The following UNC45A variants were observed in gnomAD, a reference collection of about 807,000 sequenced individuals.
UNC45A encodes the protein protein unc-45 homolog A.
Under a neutral mutation model 103.2 loss-of-function variants are expected in UNC45A, and 78 were observed. The observed-to-expected ratio is 0.76, with a 90% CI of 0.63 to 0.91. The LOEUF (loss-of-function observed/expected upper bound fraction) is 0.91, where lower values mean the gene tolerates loss of function less well. Among genes scored for constraint, UNC45A ranks in the 40% least tolerant of loss-of-function variants. The pLI is 0.00. For missense variants in UNC45A, 1,193 were observed against 1,224.8 expected (o/e 0.97, Z 0.39); for synonymous variants, 495 against 504.6 (o/e 0.98, Z 0.25).
Position 90,946,622 on chromosome 15 carries a change from T to G in UNC45A, c.1208T>G (p.Phe403Cys). The change falls in exon 10 of 20, where the codon TTT (phenylalanine) becomes TGT (cysteine). Residue 403 changes from phenylalanine to cysteine, a missense_variant. Coordinates refer to ENST00000418476, the MANE Select transcript of UNC45A (RefSeq NM_018671.5). Reference sequence around the variant, plus strand: ...CACCCTGTGCCCCTCAGGAGCTGGTTTGAGGGCCAAGGGCTGGCCGGGAAG... The same window carrying G: ...CACCCTGTGCCCCTCAGGAGCTGGTGTGAGGGCCAAGGGCTGGCCGGGAAG... ...RLCENYIKSW[F>C]EGQGLAGKLR... The G allele has an allele frequency of 6.2e-7, 1 of 1,603,798 alleles. No individual in the cohort carries two copies. The highest frequency in any genetic ancestry group is 2.2e-5 in the East Asian group (1 of 44,678).
At chr15:90,931,408 G>T, upstream of UNC45A, 4 of 1,589,160 alleles carry the variant, frequency 2.5e-6, no homozygotes, top group South Asian at 4.5e-5. Context: ...TGACCATCCT[G>T]CATAAGAGTC....
intron 17 of UNC45A, among the ~76,000 whole-genome samples, chr15:90,951,200 C>A (rs6496739): frequency 0.18 from 27,620 of 152,064 alleles, 3,608 homozygotes; most frequent in East Asian, 0.43. Context: ...AGAGATGGCG[C>A]TTTACCATGT....
chr15:90,947,006 G>A, intron 10 of UNC45A, 92 bp downstream of exon 10: 4 of 1,461,240 alleles, frequency 2.7e-6, no homozygotes, highest in Non-Finnish European at 3.7e-6. Flanking sequence ...GCACACTCCA[G>A]ATGAAAATAA....
In UNC45A at chr15:90,939,987, A is replaced by C. The variant is rs547431584; in HGVS notation, c.519+164A>C. ...GGGTCTGGGGCTTTAGCGTGAACCA[A>C]GGAAAGAGAACCAGTGTTCACAGAG... On this transcript the variant is annotated intron_variant, in intron 5 of 19. Coordinates refer to ENST00000418476, the MANE Select transcript of UNC45A (RefSeq NM_018671.5). Among the ~76,000 whole-genome samples the C allele has an allele frequency of 3.2e-4, 49 of 152,218 alleles. 1 individual carries two copies. Among genetic ancestry groups the C allele is most frequent in the Non-Finnish European group, 6.3e-4 (43 of 68,034 alleles).
intron 4 of UNC45A, among the ~76,000 whole-genome samples, chr15:90,939,170 G>A (rs2036163996): frequency 6.6e-6 from 1 of 151,938 alleles, no homozygotes; most frequent in Admixed American, 6.6e-5. Context: ...TAGTAGAGAT[G>A]GGGTTTCACC....
chr15:90,932,513 C>G (rs777219665), upstream of UNC45A: 3 of 1,299,422 alleles, frequency 2.3e-6, no homozygotes, highest in African/African-American at 1.5e-5. Flanking sequence ...TCGGCAGCCT[C>G]CAGCAGCTGC....
rs376093795 is a variant in UNC45A, at chr15:90,946,853, C to G, written c.1439C>G (p.Ser480Trp). ...TCATTCATCACTGCCAATGGTGTCT[C>G]GCTGCTGAAGGACCTATATAAGTGC... ...RASFITANGV[S>W]LLKDLYKCSE... Residue 480 changes from serine (S) to tryptophan (W), a missense_variant, in exon 10 of 20, where the codon TCG becomes TGG. Coordinates refer to ENST00000418476, the MANE Select transcript of UNC45A (RefSeq NM_018671.5). The G allele has an allele frequency of 3.1e-6, 5 of 1,612,524 alleles. No individual in the cohort carries two copies. In the Admixed American group the frequency reaches 8.3e-5, roughly 27 times the overall value.
At chr15:90,950,308 C>T (rs369531792) in intron 16 of UNC45A, 41 bp downstream of exon 16, 75 of 1,544,284 alleles carry the variant, frequency 4.9e-5, no homozygotes, top group Non-Finnish European at 6.0e-5. Flanking sequence ...TCCCTCTGTC[C>T]CTGATGGCCT....
chr15:90,936,388 T>G lies in UNC45A; in HGVS notation c.354T>G (p.Cys118Trp). 1 of 1,614,204 alleles carries G rather than the reference T, an allele frequency of 6.2e-7. No homozygotes were observed. Among genetic ancestry groups the G allele is most frequent in the Non-Finnish European group, 8.5e-7 (1 of 1,180,040 alleles). Residue 118 changes from cysteine to tryptophan, a missense_variant, in exon 4 of 20, where the codon TGT becomes TGG. Transcript: ENST00000418476. The stretch of plus-strand genomic sequence containing the variant: ...AGGCTGTCCTTGACCTGCAGAGATG[T>G]GTGAGCTTGGAGCCCAAGAACAAAG... ...LDQAVLDLQRCVSLEPKNKVF... is the reference protein window; with the variant it reads ...LDQAVLDLQRWVSLEPKNKVF...
Position 90,945,050 on chromosome 15 carries a change from G to T in UNC45A, c.1186G>T (p.Glu396Ter). The T allele has an allele frequency of 6.2e-7, 1 of 1,612,746 alleles. No individual in the cohort carries two copies. The highest frequency in any genetic ancestry group is 1.1e-5 in the South Asian group (1 of 91,018). The change falls in exon 9 of 20, where the codon GAA becomes TAA. Residue 396 changes from glutamate to a stop codon, truncating the protein, a stop_gained. Transcript: ENST00000418476. LOFTEE classifies it high-confidence loss of function. ...AERENFHRLC[E>*]NYIKSWFEGQ... ...GAGGGAGAATTTCCACAGACTTTGTGAAAACTACATCAAGTAAGGAAGTCT... is the reference window on the plus strand; with the variant it reads ...GAGGGAGAATTTCCACAGACTTTGTTAAAACTACATCAAGTAAGGAAGTCT...
chr15:90,932,113 G>C, upstream of UNC45A: 1 of 1,587,540 alleles, frequency 6.3e-7, no homozygotes, highest in Non-Finnish European at 8.6e-7. Flanking sequence ...TGCCACACCT[G>C]ACGGGGAGGG....
intron 5 of UNC45A, 55 bp from the exon 6 acceptor site, chr15:90,940,251 C>T (rs941501557): frequency 1.7e-5 from 26 of 1,561,308 alleles, no homozygotes; most frequent in Non-Finnish European, 2.1e-5. Context: ...CTCACCAGTG[C>T]TGCATCCTAT....
At chr15:90,935,786 A>G in intron 2 of UNC45A, 81 bp downstream of exon 2, 1 of 1,518,356 alleles carries the variant, frequency 6.6e-7, no homozygotes, top group South Asian at 1.3e-5. Context: ...CCCCAGCTGG[A>G]CATTCACGCT....
chr15:90,931,435 C>G (rs1209448911), upstream of UNC45A: 2 of 1,609,720 alleles, frequency 1.2e-6, no homozygotes, highest in Non-Finnish European at 1.7e-6. Context: ...AACTTGCTAG[C>G]GTGATGTCAA....
Position 90,945,032 on chromosome 15 carries a change from A to AATTTC in UNC45A, c.1169_1173dup (p.His392IlefsTer46), listed in dbSNP as rs1236780278. On this transcript the variant is annotated frameshift_variant, in exon 9 of 20. Transcript: ENST00000418476. LOFTEE classifies it high-confidence loss of function. ...CCTCAAGTGTGATGCGGAGAGGGAGAATTTCCACAGACTTTGTGAAAACTA... is the reference window on the plus strand; with the variant it reads ...CCTCAAGTGTGATGCGGAGAGGGAGAATTTCATTTCCACAGACTTTGTGAAAACTA... The AATTTC allele has an allele frequency of 5.0e-6, 8 of 1,612,944 alleles. No individual in the cohort carries two copies. The highest frequency in any genetic ancestry group is 6.8e-6 in the Non-Finnish European group (8 of 1,179,990).
chr15:90,949,201 G>A, intron 13 of UNC45A, 115 bp from the exon 14 acceptor site: 1 of 1,438,544 alleles, frequency 7.0e-7, no homozygotes, highest in Non-Finnish European at 9.3e-7. Flanking sequence ...AAGCCAGTTT[G>A]TTTCCTTTTG....
chr15:90,948,327 G>T (rs1288972771), intron 12 of UNC45A, 44 bp downstream of exon 12: 9 of 1,606,670 alleles, frequency 5.6e-6, no homozygotes, highest in Non-Finnish European at 7.6e-6. Flanking sequence ...CACTGTCTAG[G>T]ATTAGACCTT....
At chr15:90,947,429 T>G in intron 10 of UNC45A, 1 of 291,892 alleles carries the variant, frequency 3.4e-6, no homozygotes, top group Non-Finnish European at 6.6e-6. Flanking sequence ...CCATAAGGAT[T>G]TGGCTGTGGC....
At chr15:90,952,097 A>T (rs1265279454) in intron 17 of UNC45A, 1 of 152,306 alleles carries the variant, frequency 6.6e-6, no homozygotes, top group Non-Finnish European at 1.5e-5. Context: ...GGGTCCTTGG[A>T]CATTGCCAAG....
Sources: allele counts gnomAD v4.1 joint callset (sites outside exome capture counted in the v4.1 genomes callset), GRCh38; gene constraint gnomAD v4.1.1; transcripts MANE v1.5; gene names NCBI Gene and HGNC (gene_info 2026-07-23, HGNC 2026-07-21).